The following SAMD5 variants were observed in gnomAD, a reference collection of about 807,000 sequenced individuals.
SAMD5 encodes sterile alpha motif domain containing 5, also known as sterile alpha motif domain-containing protein 5.
Under a neutral mutation model 11.3 loss-of-function variants are expected in SAMD5, and 13 were observed. That is an observed-to-expected ratio of 1.15 (90% confidence interval 0.75 to 1.83). SAMD5 has a LOEUF of 1.83. Among genes scored for constraint, SAMD5 ranks in the 40% most tolerant of loss-of-function variants. The pLI, the probability that SAMD5 is intolerant of heterozygous loss-of-function variation, is 0.00. For missense variants in SAMD5, 255 were observed against 239.1 expected (o/e 1.07, Z -0.44); for synonymous variants, 129 against 111.3 (o/e 1.16, Z -1.00).
intron 1 of SAMD5, among the ~76,000 whole-genome samples, chr6:147,544,168 C>T (rs1357917926): frequency 6.6e-6 from 1 of 152,108 alleles, no homozygotes; most frequent in Non-Finnish European, 1.5e-5. Flanking sequence ...AGCTGACTTG[C>T]ATTGCATGAT....
At chr6:147,822,746 G>A in the SAMD5 span, among the ~76,000 whole-genome samples, 1 of 152,198 alleles carries the variant, frequency 6.6e-6, no homozygotes, top group African/African-American at 2.4e-5. Flanking sequence ...AAACACTGCA[G>A]TGAATGTACT....
intron 1 of SAMD5, among the ~76,000 whole-genome samples, chr6:147,656,002 A>G (rs146045653): frequency 6.6e-6 from 1 of 152,358 alleles, no homozygotes; most frequent in Non-Finnish European, 1.5e-5. Flanking sequence ...CCAATGGAAT[A>G]AAATGTAAAC....
At chr6:147,877,893 AG>A in the SAMD5 span, among the ~76,000 whole-genome samples, 12 of 98,756 alleles carry the variant, frequency 1.2e-4, no homozygotes, top group African/African-American at 4.4e-4. Context: ...ATAGATAGAT[AG>A]CTAGATAGAT....
chr6:147,774,812 A>G, the SAMD5 span, among the ~76,000 whole-genome samples: 1 of 152,064 alleles, frequency 6.6e-6, no homozygotes, highest in Non-Finnish European at 1.5e-5. Flanking sequence ...TATAAATTTT[A>G]ATGATGTTTC....
intron 1 of SAMD5, among the ~76,000 whole-genome samples, chr6:147,639,117 A>T (rs1283205667): frequency 2.0e-5 from 3 of 152,222 alleles, no homozygotes; most frequent in Admixed American, 2.0e-4. Context: ...TACTTGGCAA[A>T]TGAAAGTTAT....
At chr6:147,617,214 T>C (rs1215320021) in intron 1 of SAMD5, among the ~76,000 whole-genome samples, 1 of 152,154 alleles carries the variant, frequency 6.6e-6, no homozygotes, top group Non-Finnish European at 1.5e-5. Flanking sequence ...TTTGCAGAAT[T>C]ACACTAACTC....
chr6:147,620,830 G>T (rs539638569), intron 1 of SAMD5, among the ~76,000 whole-genome samples: 1 of 152,072 alleles, frequency 6.6e-6, no homozygotes, highest in South Asian at 2.1e-4. Flanking sequence ...TTAAAGAGGG[G>T]GTCAATTTGG....
rs866240421 is a variant in SAMD5 at position 147,523,568 on chromosome 6, A to G, written c.459+14181A>G. Among the ~76,000 whole-genome samples the G allele has an allele frequency of 3.9e-5, 6 of 152,132 alleles. No homozygotes were observed. In the South Asian group the frequency reaches 6.2e-4, roughly 16 times the overall value. On this transcript the variant is annotated intron_variant, in intron 1 of 1. Coordinates refer to ENST00000367474, the MANE Select transcript of SAMD5 (RefSeq NM_001030060.3). Reference sequence around the variant, plus strand: ...ATGGAACACTGCTATATTAAGATGCACTCCTCTGGGAAGTTCTTGATTGAC... The same window carrying G: ...ATGGAACACTGCTATATTAAGATGCGCTCCTCTGGGAAGTTCTTGATTGAC...
chr6:147,926,104 T>C, the SAMD5 span, among the ~76,000 whole-genome samples: 1 of 152,228 alleles, frequency 6.6e-6, no homozygotes, highest in African/African-American at 2.4e-5. Flanking sequence ...GCACTTAGGT[T>C]GATTCCATGT....
chr6:147,754,737 A>G, the SAMD5 span, among the ~76,000 whole-genome samples: 1 of 152,090 alleles, frequency 6.6e-6, no homozygotes, highest in Non-Finnish European at 1.5e-5. Flanking sequence ...TGATTTTTGT[A>G]TATGGCAAGA....
Position 147,509,056 on chromosome 6 carries a change from C to T in SAMD5, c.128C>T (p.Ala43Val), listed in dbSNP as rs1237730935. 1.2e-6 allele frequency: 2 copies of T among 1,605,628 alleles called. No individual in the cohort carries two copies. Among genetic ancestry groups the T allele is most frequent in the Non-Finnish European group, 1.7e-6 (2 of 1,176,888 alleles). ...CAGATCGGGGACCCGGACCTGGATG[C>T]CATCGGGGTGCTGGCGCCCGCGCAC... ...CKQIGDPDLDAIGVLAPAHRR... is the reference protein window; with the variant it reads ...CKQIGDPDLDVIGVLAPAHRR... The change falls in exon 1 of 2, where the codon GCC becomes GTC. Residue 43 changes from alanine (A) to valine (V), a missense_variant. By Grantham distance (64) the Ala-to-Val change is moderately conservative. Coordinates refer to ENST00000367474, the MANE Select transcript of SAMD5 (RefSeq NM_001030060.3).
chr6:147,746,958 A>G, the SAMD5 span, among the ~76,000 whole-genome samples: 1 of 151,922 alleles, frequency 6.6e-6, no homozygotes, highest in Admixed American at 6.5e-5. Flanking sequence ...CGTTTAAGTA[A>G]CACACCCCCT....
At chr6:147,909,533 T>C in the SAMD5 span, among the ~76,000 whole-genome samples, 1 of 151,882 alleles carries the variant, frequency 6.6e-6, no homozygotes, top group African/African-American at 2.4e-5. Flanking sequence ...GGGGAACAGG[T>C]ACTGGCAAAC....
Position 147,564,407 on chromosome 6 carries a change from G to A in SAMD5, c.473G>A (p.Gly158Asp), listed in dbSNP as rs747317081. 12 of 780,622 alleles carry A rather than the reference G, an allele frequency of 1.5e-5. No homozygotes were observed. Among genetic ancestry groups the A allele is most frequent in the South Asian group, 1.5e-4 (11 of 74,608 alleles). 48.4% of individuals were successfully genotyped at this position (780,622 alleles called of 1,614,324 possible). ...PPYSRKVPMA[G>D]ILEYLMNWPK... ...TCAAATCCACAGGTCCCAATGGCTG[G>A]CATCCTAGAGTACTTAATGAATTGG... Residue 158 changes from glycine (G) to aspartate (D), a missense_variant, in exon 2 of 2, where the codon GGC (glycine) becomes GAC (aspartate). Gly to Asp is a moderately conservative substitution (Grantham distance 94). Coordinates refer to ENST00000367474, the MANE Select transcript of SAMD5 (RefSeq NM_001030060.3).
At chr6:147,628,471 C>T (rs949826870) in intron 1 of SAMD5, among the ~76,000 whole-genome samples, 2 of 152,122 alleles carry the variant, frequency 1.3e-5, no homozygotes, top group Non-Finnish European at 2.9e-5. Context: ...CCAGGAGCCA[C>T]ATGGATCTCC....
At chr6:147,948,747 GT>G in the SAMD5 span, among the ~76,000 whole-genome samples, 1 of 151,892 alleles carries the variant, frequency 6.6e-6, no homozygotes, top group Non-Finnish European at 1.5e-5. Flanking sequence ...GTTTTGTTTT[GT>G]TTTGATTTTT....
At chr6:147,792,774 A>G in the SAMD5 span, among the ~76,000 whole-genome samples, 3 of 152,270 alleles carry the variant, frequency 2.0e-5, no homozygotes, top group Non-Finnish European at 4.4e-5. Flanking sequence ...AAAACCAACA[A>G]CAATGATGAT....
chr6:147,911,835 A>G, the SAMD5 span, among the ~76,000 whole-genome samples: 2 of 152,254 alleles, frequency 1.3e-5, no homozygotes, highest in African/African-American at 4.8e-5. Flanking sequence ...CTAGCCATGC[A>G]TCAGCTCTCA....
the SAMD5 span, among the ~76,000 whole-genome samples, chr6:147,816,301 A>AT: frequency 1.4e-3 from 93 of 66,384 alleles, no homozygotes; most frequent in Non-Finnish European, 1.8e-3. Flanking sequence ...AAAAAAAAAA[A>AT]ATATATATAT....
Sources: allele counts gnomAD v4.1 joint callset (sites outside exome capture counted in the v4.1 genomes callset), GRCh38; gene constraint gnomAD v4.1.1; transcripts MANE v1.5; gene names NCBI Gene and HGNC (gene_info 2026-07-23, HGNC 2026-07-21).